The following FAM120B variants were observed in gnomAD, a reference collection of about 807,000 sequenced individuals.
The protein encoded by FAM120B is family with sequence similarity 120 member B, also known as constitutive coactivator of peroxisome proliferator-activated receptor gamma.
Under a neutral mutation model 96.3 loss-of-function variants are expected in FAM120B, and 83 were observed. The ratio of observed to expected loss-of-function variants is 0.86; its 90% CI spans 0.72 to 1.03. The LOEUF (loss-of-function observed/expected upper bound fraction) is 1.03, where lower values mean the gene tolerates loss of function less well. Ranked by LOEUF, FAM120B falls within the 50% of genes least tolerant of loss-of-function variation. FAM120B has a pLI of 0.00. For missense variants in FAM120B, 1,027 were observed against 1,121.2 expected (o/e 0.92, Z 1.20); for synonymous variants, 407 against 402.7 (o/e 1.01, Z -0.13).
chr6:170,348,956 C>T lies in FAM120B; in HGVS notation c.2190+633C>T, dbSNP rs138622915. Among the ~76,000 whole-genome samples the T allele has an allele frequency of 5.0e-3, 765 of 152,322 alleles. 1 individual carries two copies. The highest frequency in any genetic ancestry group is 6.7e-3 in the Non-Finnish European group (459 of 68,024). On this transcript the variant is annotated intron_variant, in intron 5 of 10. Transcript: ENST00000476287. ...TAGTGGTAGATCCTTCATTTAGGCT[C>T]ACTCGACAAGGTGGACTGTTTCTTT... is the stretch of plus-strand genomic sequence containing the variant.
chr6:170,380,949 C>T (rs1047648427), intron 6 of FAM120B, among the ~76,000 whole-genome samples: 2 of 152,158 alleles, frequency 1.3e-5, no homozygotes, highest in Non-Finnish European at 2.9e-5. Flanking sequence ...TTGGAGCTGC[C>T]TCCAGGAATA....
chr6:170,329,772 A>G (rs902059223), intron 3 of FAM120B, among the ~76,000 whole-genome samples: 3 of 151,778 alleles, frequency 2.0e-5, no homozygotes, highest in Non-Finnish European at 4.4e-5. Flanking sequence ...CATTAAGGGG[A>G]CATCTCTCCA....
At chr6:170,312,785 CT>C (rs1187704150) in intron 1 of FAM120B, among the ~76,000 whole-genome samples, 1 of 152,188 alleles carries the variant, frequency 6.6e-6, no homozygotes, top group Non-Finnish European at 1.5e-5. Context: ...GGAGAGAGAT[CT>C]GGCTTAGCTC....
At chr6:170,385,846 TG>T (rs113643994) in intron 6 of FAM120B, among the ~76,000 whole-genome samples, 129 of 152,326 alleles carry the variant, frequency 8.5e-4, no homozygotes, top group African/African-American at 3.0e-3. Flanking sequence ...GAAACTTAAA[TG>T]CATGTTACTA....
chr6:170,404,472 T>C (rs1778731445), intron 9 of FAM120B, 78 bp from the exon 10 acceptor site: 1 of 1,295,904 alleles, frequency 7.7e-7, no homozygotes, highest in Non-Finnish European at 1.1e-6. Flanking sequence ...TGTTCATACT[T>C]AGAAATGTGC....
chr6:170,338,926 A>G (rs979745461), intron 4 of FAM120B, among the ~76,000 whole-genome samples: 14 of 146,434 alleles, frequency 9.6e-5, no homozygotes, highest in Admixed American at 2.1e-4. Flanking sequence ...GTCTTTGCAC[A>G]TGAAATGGGT....
intron 6 of FAM120B, among the ~76,000 whole-genome samples, chr6:170,364,112 G>GTTCA (rs1482485069): frequency 1.3e-5 from 2 of 152,154 alleles, no homozygotes; most frequent in Non-Finnish European, 2.9e-5. Context: ...ATTTCCCCTT[G>GTTCA]TTCAGTCACT....
Position 170,361,224 on chromosome 6 carries a change from A to ACG in FAM120B, c.2283+2906_2283+2907insCG, listed in dbSNP as rs1428981044. On this transcript the variant is annotated intron_variant, in intron 6 of 10. Transcript: ENST00000476287. Reference sequence around the variant, plus strand: ...TATATATATATATATATATATATATATATATATATATACACGTATATATAT... The same window carrying ACG: ...TATATATATATATATATATATATATACGTATATATATATACACGTATATATAT... 1.6e-4 allele frequency among the ~76,000 whole-genome samples: 18 copies of ACG among 115,068 alleles called. 1 individual carries two copies. Among genetic ancestry groups the ACG allele is most frequent in the Admixed American group, 2.7e-4 (3 of 10,930 alleles). The allele number at this position is 115,068 out of a possible 152,430, so 75.5% of individuals were successfully genotyped here. A position where few individuals can be genotyped will look rare whatever the true frequency, so the allele number is the denominator to read the frequency against.
At chr6:170,400,732 G>C (rs952155722) in intron 9 of FAM120B, among the ~76,000 whole-genome samples, 2 of 152,210 alleles carry the variant, frequency 1.3e-5, no homozygotes, top group Non-Finnish European at 2.9e-5. Context: ...TTTTGTTAAA[G>C]AGTTTTTTCT....
chr6:170,324,687 TAAA>T (rs1159286405), intron 3 of FAM120B, among the ~76,000 whole-genome samples: 1 of 152,226 alleles, frequency 6.6e-6, no homozygotes, highest in Admixed American at 6.5e-5. Flanking sequence ...GATAACCACA[TAAA>T]AAAACCATTC....
intron 4 of FAM120B, among the ~76,000 whole-genome samples, chr6:170,339,429 A>G (rs1050219417): frequency 6.6e-6 from 1 of 152,056 alleles, no homozygotes; most frequent in African/African-American, 2.4e-5. Flanking sequence ...GAAATCCTTA[A>G]TAAAATTTGG....
At chr6:170,372,293 T>C (rs1789244192) in intron 6 of FAM120B, among the ~76,000 whole-genome samples, 1 of 152,158 alleles carries the variant, frequency 6.6e-6, no homozygotes, top group Admixed American at 6.5e-5. Flanking sequence ...ACTATTTTAA[T>C]TATATTAATG....
At chr6:170,291,425 G>C (rs1783869463), upstream of FAM120B, among the ~76,000 whole-genome samples, 1 of 151,998 alleles carries the variant, frequency 6.6e-6, no homozygotes, top group South Asian at 2.1e-4. Flanking sequence ...GGGGGCTTGG[G>C]GAGGGCGGCT....
rs1788565942 is a variant in FAM120B, at chr6:170,363,085, G to GCT, written c.2283+4770_2283+4771dup. 6.6e-6 allele frequency among the ~76,000 whole-genome samples: 1 copy of GCT among 152,044 alleles called. No individual in the cohort carries two copies. The highest frequency in any genetic ancestry group is 2.1e-4 in the South Asian group (1 of 4,826). ...ATCAGTTTATCTTTGCCGTGTCAGG[G>GCT]CTCTGAAAGCCACAAAACCATCACC... On this transcript the variant is annotated intron_variant, in intron 6 of 10. Transcript: ENST00000476287. This position sits in a 1 kb window ranked among gnomAD's most constrained non-coding sequence, Gnocchi z 4.5.
intron 3 of FAM120B, among the ~76,000 whole-genome samples, chr6:170,323,722 G>T (rs1158127914): frequency 6.6e-6 from 1 of 152,112 alleles, no homozygotes. Flanking sequence ...TGGTGTTTTT[G>T]TAATTTGTGT....
intron 6 of FAM120B, among the ~76,000 whole-genome samples, chr6:170,387,397 G>A (rs1790247026): frequency 6.6e-6 from 1 of 151,960 alleles, no homozygotes; most frequent in East Asian, 1.9e-4. Flanking sequence ...TGGTTAATTT[G>A]AGCTACATAG....
chr6:170,402,238 C>G (rs1778624649), intron 9 of FAM120B, among the ~76,000 whole-genome samples: 1 of 152,248 alleles, frequency 6.6e-6, no homozygotes, highest in Non-Finnish European at 1.5e-5. Context: ...AATCCCTGAG[C>G]TGGTCCGCAA....
At chr6:170,343,419 T>C (rs1177870036) in intron 4 of FAM120B, among the ~76,000 whole-genome samples, 1 of 152,094 alleles carries the variant, frequency 6.6e-6, no homozygotes, top group Non-Finnish European at 1.5e-5. Context: ...AGGTATCTTA[T>C]CTCCTAAATT....
In FAM120B at chr6:170,352,713, A is replaced by C. The variant is rs778002328; in HGVS notation, c.2190+4390A>C. On this transcript the variant is annotated intron_variant, in intron 5 of 10. Coordinates refer to ENST00000476287, the MANE Select transcript of FAM120B (RefSeq NM_032448.3). ...TAATGAAATTAATGAGAACAAAGAG[A>C]CTACTTACCAGAATCTCTGGGCTGC... Among the ~76,000 whole-genome samples the C allele has an allele frequency of 4.6e-5, 7 of 152,320 alleles. No homozygotes were observed. The South Asian group carries it at 1.0e-3, about 23-fold the overall frequency.
Sources: gnomAD v4.1 joint callset for allele counts (sites outside exome capture counted in the v4.1 genomes callset) on GRCh38, gnomAD v4.1.1 for gene constraint, Gnocchi (gnomAD v3.1) non-coding constraint, MANE v1.5 for transcripts, NCBI Gene and HGNC (gene_info 2026-07-23, HGNC 2026-07-21) for gene names.